Variants in NDUFAF2 observed in about 807,000 individuals in gnomAD.
NDUFAF2 encodes NADH:ubiquinone oxidoreductase complex assembly factor 2, also known as NADH dehydrogenase [ubiquinone] 1 alpha subcomplex assembly factor 2.
NDUFAF2 carries 13 observed loss-of-function variants against 22.8 expected under a neutral mutation model. That is an observed-to-expected ratio of 0.57 (90% CI 0.37 to 0.91). The LOEUF is 0.91. Ranked by LOEUF, NDUFAF2 falls within the 40% of genes least tolerant of loss-of-function variation. The pLI is 0.01. For synonymous variants in NDUFAF2, 53 were observed against 64.2 expected (o/e 0.83, Z 0.84); for missense variants, 162 against 195.2 (o/e 0.83, Z 1.01).
intron 3 of NDUFAF2, among the ~76,000 whole-genome samples, chr5:61,134,050 A>G (rs1258466012): frequency 6.6e-6 from 1 of 152,184 alleles, no homozygotes; most frequent in South Asian, 2.1e-4. Flanking sequence ...CAACCCAAAT[A>G]TCTATTAGTA....
intron 2 of NDUFAF2, 113 bp downstream of exon 2, chr5:61,073,327 T>A: frequency 1.2e-6 from 1 of 813,896 alleles, no homozygotes; most frequent in Non-Finnish European, 2.1e-6. Flanking sequence ...AAAGTTTTAG[T>A]GTCTGAATGT....
intron 1 of NDUFAF2, among the ~76,000 whole-genome samples, chr5:60,984,812 T>G (rs1025783945): frequency 6.6e-6 from 1 of 152,138 alleles, no homozygotes; most frequent in African/African-American, 2.4e-5. Context: ...TTTATTGAGG[T>G]TTTTTGCATC....
chr5:61,008,682 C>T (rs901136095), intron 1 of NDUFAF2, among the ~76,000 whole-genome samples: 1 of 152,050 alleles, frequency 6.6e-6, no homozygotes, highest in Non-Finnish European at 1.5e-5. Flanking sequence ...CTTTCATCAA[C>T]CATTTGTGGC....
intron 2 of NDUFAF2, among the ~76,000 whole-genome samples, chr5:61,095,566 C>T (rs777212460): frequency 7.4e-5 from 10 of 134,262 alleles, no homozygotes; most frequent in Non-Finnish European, 1.6e-4. Context: ...GACAGAGCTG[C>T]AGTCACTATT....
At chr5:61,003,454 G>A (rs760435080) in intron 1 of NDUFAF2, among the ~76,000 whole-genome samples, 8 of 151,742 alleles carry the variant, frequency 5.3e-5, no homozygotes, top group South Asian at 2.1e-4. Context: ...TTTCTGGTAC[G>A]CTGAATAAAA....
At chr5:61,110,958 A>G (rs1475034092) in intron 3 of NDUFAF2, among the ~76,000 whole-genome samples, 1 of 152,000 alleles carries the variant, frequency 6.6e-6, no homozygotes, top group Non-Finnish European at 1.5e-5. Context: ...TTATAGCTAT[A>G]AATTTTTCTC....
At chr5:61,044,423 C>T (rs995368401) in intron 1 of NDUFAF2, among the ~76,000 whole-genome samples, 1 of 152,148 alleles carries the variant, frequency 6.6e-6, no homozygotes, top group South Asian at 2.1e-4. Flanking sequence ...CAAGACATCA[C>T]TGCCAAAGCC....
At chr5:61,031,268 C>T (rs1275492077) in intron 1 of NDUFAF2, among the ~76,000 whole-genome samples, 2 of 151,954 alleles carry the variant, frequency 1.3e-5, no homozygotes, top group African/African-American at 4.8e-5. Context: ...AACTCATCAT[C>T]TACATTAGAC....
At chr5:61,080,341 G>GATTGAT (rs1752426701) in intron 2 of NDUFAF2, among the ~76,000 whole-genome samples, 1 of 152,072 alleles carries the variant, frequency 6.6e-6, no homozygotes, top group Non-Finnish European at 1.5e-5. Context: ...GTATAGATTT[G>GATTGAT]ATTTTATAAA....
At chr5:61,143,986 G>A (rs1561138980) in intron 3 of NDUFAF2, among the ~76,000 whole-genome samples, 1 of 151,054 alleles carries the variant, frequency 6.6e-6, no homozygotes, top group African/African-American at 2.4e-5. Context: ...GTGTGTGTGT[G>A]TGTGTGTGTG....
At chr5:60,956,845 A>G (rs1295811185) in intron 1 of NDUFAF2, among the ~76,000 whole-genome samples, 1 of 152,180 alleles carries the variant, frequency 6.6e-6, no homozygotes, top group Non-Finnish European at 1.5e-5. Flanking sequence ...ATTATTTATA[A>G]TATCATCTCC....
intron 2 of NDUFAF2, among the ~76,000 whole-genome samples, chr5:61,096,163 T>C (rs556302650): frequency 3.0e-4 from 46 of 152,306 alleles, no homozygotes; most frequent in Admixed American, 1.7e-3. Context: ...ATTCATTCAA[T>C]AATTTTTAAA....
chr5:61,107,004 G>A lies in NDUFAF2; in HGVS notation c.258+7972G>A, dbSNP rs1324949237. Among the ~76,000 whole-genome samples, 7 of 140,252 alleles carry A rather than the reference G, an allele frequency of 5.0e-5. No homozygotes were observed. The South Asian group carries it at 1.1e-3, about 23-fold the overall frequency. The allele number at this position is 140,252 out of a possible 152,430, so 92.0% of individuals were successfully genotyped here. A position where few individuals can be genotyped will look rare whatever the true frequency, so the allele number is the denominator to read the frequency against. ...TGCTGCAGTAAACATGGGAGTACAG[G>A]TATCTCTTCGATATTCTGATTTCCT... On this transcript the variant is annotated intron_variant, in intron 3 of 3. Coordinates refer to ENST00000296597, the MANE Select transcript of NDUFAF2 (RefSeq NM_174889.5).
chr5:61,147,437 C>CTTTTTTTTTTTTTTTTTTTTTTTTTT (rs1240336890), intron 3 of NDUFAF2, among the ~76,000 whole-genome samples: 10 of 84,740 alleles, frequency 1.2e-4, no homozygotes, highest in South Asian at 5.2e-4. Flanking sequence ...TTTTTTCTTT[C>CTTTTTTTTTTTTTTTTTTTTTTTTTT]TTTTTTTTTT....
chr5:60,990,019 A>G (rs947389197), intron 1 of NDUFAF2, among the ~76,000 whole-genome samples: 1 of 152,204 alleles, frequency 6.6e-6, no homozygotes, highest in Non-Finnish European at 1.5e-5. Flanking sequence ...ATGGAACTAG[A>G]GGACATTTAT....
intron 1 of NDUFAF2, among the ~76,000 whole-genome samples, chr5:61,026,328 G>T (rs755906223): frequency 1.7e-4 from 26 of 152,112 alleles, no homozygotes; most frequent in Non-Finnish European, 3.1e-4. Flanking sequence ...GGTAATAAGG[G>T]TTTACACTGA....
At chr5:60,955,426 T>G (rs1299754644) in intron 1 of NDUFAF2, among the ~76,000 whole-genome samples, 1 of 152,234 alleles carries the variant, frequency 6.6e-6, no homozygotes, top group African/African-American at 2.4e-5. Flanking sequence ...ATAGTTTATA[T>G]GTCTGGTTTT....
chr5:61,143,224 C>A (rs1038998772), intron 3 of NDUFAF2, among the ~76,000 whole-genome samples: 2 of 151,972 alleles, frequency 1.3e-5, no homozygotes, highest in Non-Finnish European at 2.9e-5. Context: ...GGTATGGGGT[C>A]CCAAAACATA....
chr5:61,060,782 T>C (rs1210868366), intron 1 of NDUFAF2, among the ~76,000 whole-genome samples: 6 of 152,170 alleles, frequency 3.9e-5, no homozygotes, highest in Admixed American at 3.3e-4. Context: ...GGTTGAAAAC[T>C]ATCACCAAGA....
Sources: allele counts gnomAD v4.1 joint callset (sites outside exome capture counted in the v4.1 genomes callset), GRCh38; gene constraint gnomAD v4.1.1; transcripts MANE v1.5; gene names NCBI Gene and HGNC (gene_info 2026-07-23, HGNC 2026-07-21).